Variants in FRMD4A observed in about 807,000 individuals in gnomAD.
FRMD4A encodes the protein FERM domain containing 4A, also known as FERM domain-containing protein 4A.
A neutral mutation model predicts 129.1 loss-of-function variants in FRMD4A; 29 were observed. The observed-to-expected ratio is 0.22, with a 90% confidence interval of 0.17 to 0.31. FRMD4A has a LOEUF of 0.31. FRMD4A is among the 10% of genes least tolerant of loss of function. FRMD4A has a pLI of 1.00. For missense variants in FRMD4A, 1,272 were observed against 1,375.8 expected, an observed-to-expected ratio of 0.92 and a Z score of 1.19; for synonymous variants, 634 against 571.6, an observed-to-expected ratio of 1.11 and a Z score of -1.56.
chr10:13,886,693 A>C (rs985472267), intron 2 of FRMD4A, among the ~76,000 whole-genome samples: 3 of 152,028 alleles, frequency 2.0e-5, no homozygotes, highest in Admixed American at 1.3e-4. Context: ...CAATCCTCCC[A>C]TTTTAGCCTC....
In FRMD4A at chr10:14,264,969, G is replaced by C. The variant is rs571094316; in HGVS notation, c.45+65089C>G. Among the ~76,000 whole-genome samples the C allele has an allele frequency of 5.9e-5, 9 of 152,236 alleles. 1 individual carries two copies. The South Asian group carries it at 1.9e-3, about 32-fold the overall frequency. The stretch of plus-strand genomic sequence containing the variant: ...GCTAATTTTTGTATTTTTTAGTAGA[G>C]ACGGGGGTTTCACCATATTGGCCAG... On this transcript the variant is annotated intron_variant, in intron 2 of 24. Transcript: ENST00000357447.
At chr10:14,171,299 G>T (rs550706225) in intron 2 of FRMD4A, among the ~76,000 whole-genome samples, 7 of 152,174 alleles carry the variant, frequency 4.6e-5, no homozygotes, top group Admixed American at 1.3e-4. Context: ...GTCAGGGCCT[G>T]CCAGAAGGCC....
intron 4 of FRMD4A, among the ~76,000 whole-genome samples, chr10:13,799,194 G>C (rs1564822743): frequency 6.6e-6 from 1 of 152,196 alleles, no homozygotes; most frequent in South Asian, 2.1e-4. Flanking sequence ...GTCTTGCTCT[G>C]TTGCCCAGGC....
At chr10:14,128,195 C>T (rs971875077) in intron 2 of FRMD4A, among the ~76,000 whole-genome samples, 2 of 151,244 alleles carry the variant, frequency 1.3e-5, no homozygotes, top group Admixed American at 6.6e-5. Context: ...CATCCACTTC[C>T]GGGCCTCAAG....
At chr10:14,311,060 C>CTCTT (rs1383298876) in intron 2 of FRMD4A, among the ~76,000 whole-genome samples, 3 of 152,126 alleles carry the variant, frequency 2.0e-5, no homozygotes, top group Non-Finnish European at 2.9e-5. Context: ...GTTTCATAGA[C>CTCTT]TCTTCTGTCA....
At chr10:13,919,470 G>C (rs2131253048) in intron 2 of FRMD4A, among the ~76,000 whole-genome samples, 1 of 152,270 alleles carries the variant, frequency 6.6e-6, no homozygotes, top group Non-Finnish European at 1.5e-5. Flanking sequence ...CTGGACTTAA[G>C]AGTGTAGAAA....
chr10:13,665,030 G>A (rs1290122251), intron 18 of FRMD4A, among the ~76,000 whole-genome samples: 2 of 152,122 alleles, frequency 1.3e-5, no homozygotes, highest in African/African-American at 4.8e-5. Context: ...TTACAGGCAT[G>A]CGCCACCACG....
At chr10:14,244,929 A>C (rs919332791) in intron 2 of FRMD4A, among the ~76,000 whole-genome samples, 4 of 152,220 alleles carry the variant, frequency 2.6e-5, no homozygotes, top group Non-Finnish European at 4.4e-5. Context: ...TCAAGCAATA[A>C]AAGATGATTT....
intron 2 of FRMD4A, among the ~76,000 whole-genome samples, chr10:14,092,444 G>C (rs972870691): frequency 6.6e-6 from 1 of 152,220 alleles, no homozygotes; most frequent in African/African-American, 2.4e-5. Flanking sequence ...GCTGGGAATG[G>C]ACTCTGTTGC....
intron 2 of FRMD4A, among the ~76,000 whole-genome samples, chr10:14,196,860 G>A (rs892211894): frequency 6.6e-6 from 1 of 152,118 alleles, no homozygotes; most frequent in African/African-American, 2.4e-5. Flanking sequence ...AAATGGTTTG[G>A]GCTAAACTTC....
intron 14 of FRMD4A, among the ~76,000 whole-genome samples, chr10:13,697,200 C>G (rs2086307988): frequency 6.9e-6 from 1 of 143,890 alleles, no homozygotes; most frequent in African/African-American, 2.6e-5. Context: ...GTTGCCTAGG[C>G]TGGGGGAGTG....
intron 2 of FRMD4A, among the ~76,000 whole-genome samples, chr10:14,118,852 T>C (rs751649585): frequency 1.3e-5 from 2 of 152,148 alleles, no homozygotes; most frequent in Non-Finnish European, 2.9e-5. Context: ...GAGATTTGGG[T>C]AGGGACCCAG....
Position 13,722,400 on chromosome 10 carries a change from TA to T in FRMD4A, c.760-15288del, listed in dbSNP as rs1223008176. On this transcript the variant is annotated intron_variant, in intron 12 of 24. Transcript: ENST00000357447. ...GCATGCACCACCATACTCGGCTAAT[TA>T]AAAAAAAAAATTTTTTTTTTTTTTG... 8.0e-4 allele frequency among the ~76,000 whole-genome samples: 119 copies of T among 148,434 alleles called. 1 individual carries two copies. The highest frequency in any genetic ancestry group is 3.5e-3 in the Middle Eastern group (1 of 286).
At chr10:13,904,920 A>AAG (rs1163504132) in intron 2 of FRMD4A, among the ~76,000 whole-genome samples, 2 of 133,766 alleles carry the variant, frequency 1.5e-5, no homozygotes, top group Middle Eastern at 3.9e-3. Flanking sequence ...TTGAACCCGG[A>AAG]AGGCAGAGGT....
chr10:13,874,434 A>C (rs1020379015), intron 2 of FRMD4A, among the ~76,000 whole-genome samples: 3 of 152,042 alleles, frequency 2.0e-5, no homozygotes, highest in African/African-American at 7.2e-5. Context: ...TGTTTCTCTA[A>C]GCCTAAAAGC....
intron 2 of FRMD4A, among the ~76,000 whole-genome samples, chr10:13,940,611 G>A (rs773090332): frequency 3.9e-5 from 6 of 152,126 alleles, no homozygotes; most frequent in South Asian, 4.1e-4. Flanking sequence ...CAGGAATGGC[G>A]CTATCACTGC....
At chr10:14,248,480 A>T (rs1844324364) in intron 2 of FRMD4A, among the ~76,000 whole-genome samples, 2 of 152,048 alleles carry the variant, frequency 1.3e-5, no homozygotes, top group Admixed American at 1.3e-4. Context: ...CATTCAATTC[A>T]TTTTTTACAG....
intron 2 of FRMD4A, among the ~76,000 whole-genome samples, chr10:13,875,495 A>T (rs925511880): frequency 1.3e-5 from 2 of 152,188 alleles, no homozygotes; most frequent in Non-Finnish European, 2.9e-5. Flanking sequence ...CAAATGTCAA[A>T]GTTGGGGTCA....
intron 3 of FRMD4A, among the ~76,000 whole-genome samples, chr10:13,827,955 A>T (rs919173718): frequency 6.6e-6 from 1 of 152,142 alleles, no homozygotes; most frequent in African/African-American, 2.4e-5. Flanking sequence ...CTACTGCCCA[A>T]ATACCATTTA....
Sources: gnomAD v4.1 joint callset for allele counts (sites outside exome capture counted in the v4.1 genomes callset) on GRCh38, gnomAD v4.1.1 for gene constraint, MANE v1.5 for transcripts, NCBI Gene and HGNC (gene_info 2026-07-23, HGNC 2026-07-21) for gene names.